SEMA3E: variants seen among roughly 807,000 people sequenced by gnomAD.
SEMA3E encodes semaphorin 3E.
SEMA3E carries 49 observed loss-of-function variants against 93.6 expected under a neutral mutation model. The observed-to-expected ratio is 0.52, with a 90% CI of 0.42 to 0.66. SEMA3E has a LOEUF of 0.66. Among genes scored for constraint, SEMA3E ranks in the 30% least tolerant of loss-of-function variants. The probability of loss-of-function intolerance (pLI) is 0.00; values close to 1 mark genes in which losing one functional copy is unlikely to be tolerated. For synonymous variants in SEMA3E, 363 were observed against 330.7 expected, an observed-to-expected ratio of 1.10 and a Z score of -1.06; for missense variants, 906 against 964.8, an observed-to-expected ratio of 0.94 and a Z score of 0.81.
At chr7:83,530,639 G>A (rs986153062) in intron 1 of SEMA3E, among the ~76,000 whole-genome samples, 2 of 152,174 alleles carry the variant, frequency 1.3e-5, no homozygotes, top group Non-Finnish European at 2.9e-5. Context: ...CACTTTGGGA[G>A]GCTGAGGCGG....
intron 1 of SEMA3E, among the ~76,000 whole-genome samples, chr7:83,539,849 T>C (rs1166956613): frequency 1.8e-5 from 1 of 56,688 alleles, no homozygotes; most frequent in African/African-American, 4.8e-5. Context: ...TTTTGTTTTG[T>C]TGTTTCTGTG....
At chr7:83,501,580 G>C (rs1310029181) in intron 1 of SEMA3E, among the ~76,000 whole-genome samples, 1 of 152,146 alleles carries the variant, frequency 6.6e-6, no homozygotes, top group African/African-American at 2.4e-5. Flanking sequence ...AGCCTCCCAA[G>C]TAGCTGTGAT....
intron 5 of SEMA3E, among the ~76,000 whole-genome samples, chr7:83,416,409 A>G (rs992338000): frequency 5.9e-5 from 9 of 152,080 alleles, no homozygotes; most frequent in Non-Finnish European, 1.2e-4. Context: ...TAGAAATTTA[A>G]CTTTTAAATT....
At chr7:83,578,147 TA>T (rs35666333) in intron 1 of SEMA3E, among the ~76,000 whole-genome samples, 2 of 150,518 alleles carry the variant, frequency 1.3e-5, no homozygotes, top group Admixed American at 1.3e-4. Flanking sequence ...GTTTTCTCAT[TA>T]AAAAAAAACA....
At chr7:83,408,800 C>T (rs748635269) in intron 5 of SEMA3E, among the ~76,000 whole-genome samples, 2 of 152,104 alleles carry the variant, frequency 1.3e-5, no homozygotes, top group South Asian at 2.1e-4. Flanking sequence ...AATAGTAAGA[C>T]CTATATGAGT....
At chr7:83,527,467 C>A (rs1791185033) in intron 1 of SEMA3E, among the ~76,000 whole-genome samples, 1 of 152,132 alleles carries the variant, frequency 6.6e-6, no homozygotes, top group Non-Finnish European at 1.5e-5. Flanking sequence ...TTAAACCCTG[C>A]TCCTATGGAG....
intron 1 of SEMA3E, among the ~76,000 whole-genome samples, chr7:83,518,790 G>T (rs1790985864): frequency 6.6e-6 from 1 of 151,976 alleles, no homozygotes; most frequent in African/African-American, 2.4e-5. Flanking sequence ...CTTCCTCTCA[G>T]GAAAGCTCCC....
intron 12 of SEMA3E, 71 bp from the exon 13 acceptor site, chr7:83,394,409 C>A: frequency 7.8e-7 from 1 of 1,275,320 alleles, no homozygotes; most frequent in Admixed American, 1.8e-5. Flanking sequence ...TGGTTGTAAA[C>A]CCCTGAAATT....
chr7:83,386,389 G>C (rs1055605460), intron 15 of SEMA3E, among the ~76,000 whole-genome samples: 2 of 152,056 alleles, frequency 1.3e-5, no homozygotes, highest in Non-Finnish European at 2.9e-5. Flanking sequence ...TACCATAATA[G>C]AAAGAGTCAG....
intron 1 of SEMA3E, among the ~76,000 whole-genome samples, chr7:83,523,498 AC>A (rs1219257037): frequency 6.6e-6 from 1 of 152,080 alleles, no homozygotes; most frequent in African/African-American, 2.4e-5. Flanking sequence ...AGGTAATCAA[AC>A]AGCCCTATCC....
intron 5 of SEMA3E, among the ~76,000 whole-genome samples, chr7:83,412,927 G>A (rs1788470611): frequency 6.6e-6 from 1 of 151,986 alleles, no homozygotes; most frequent in Admixed American, 6.6e-5. Flanking sequence ...GATTAAAACA[G>A]GAACTCTATT....
chr7:83,368,235 GTGTA>G (rs1794703824), intron 16 of SEMA3E, among the ~76,000 whole-genome samples, 197 bp from the exon 17 acceptor site: 1 of 150,348 alleles, frequency 6.7e-6, no homozygotes, highest in East Asian at 2.0e-4. Flanking sequence ...GTGTGTGTGT[GTGTA>G]TTCTGAAGAT....
chr7:83,399,963 A>G, intron 11 of SEMA3E, 65 bp downstream of exon 11: 1 of 1,233,512 alleles, frequency 8.1e-7, no homozygotes, highest in Non-Finnish European at 1.2e-6. Context: ...TTTTAGAAAT[A>G]TTATTAAAAT....
intron 4 of SEMA3E, among the ~76,000 whole-genome samples, chr7:83,426,046 T>C (rs1190253714): frequency 6.6e-6 from 1 of 152,102 alleles, no homozygotes; most frequent in Non-Finnish European, 1.5e-5. Context: ...CCAGTCAGAA[T>C]GGCTATTATT....
intron 4 of SEMA3E, among the ~76,000 whole-genome samples, chr7:83,427,495 A>T (rs1788796113): frequency 6.6e-6 from 1 of 152,170 alleles, no homozygotes; most frequent in African/African-American, 2.4e-5. Context: ...AGCAGAAAAA[A>T]GGAAGAAAAT....
chr7:83,646,214 T>C (rs767740001), intron 1 of SEMA3E, among the ~76,000 whole-genome samples: 8 of 152,114 alleles, frequency 5.3e-5, no homozygotes, highest in Non-Finnish European at 1.0e-4. Flanking sequence ...TGAACACTTG[T>C]CGTTACTGAC....
intron 1 of SEMA3E, among the ~76,000 whole-genome samples, chr7:83,497,131 A>G (rs1289172275): frequency 1.3e-5 from 2 of 152,176 alleles, no homozygotes; most frequent in East Asian, 3.8e-4. Context: ...CTGAGGATTT[A>G]GTCATTTCCT....
intron 14 of SEMA3E, 70 bp from the exon 15 acceptor site, chr7:83,387,120 C>T: frequency 8.0e-7 from 1 of 1,245,072 alleles, no homozygotes; most frequent in Non-Finnish European, 1.2e-6. Context: ...CAGCCAATTG[C>T]ATTTCATATA....
chr7:83,616,639 C>T, intron 1 of SEMA3E: 2 of 426,874 alleles, frequency 4.7e-6, no homozygotes, highest in Non-Finnish European at 9.3e-6. Context: ...CAGTTTCCTC[C>T]TCCATGTCTT....
Sources: gnomAD v4.1 joint callset for allele counts (sites outside exome capture counted in the v4.1 genomes callset) on GRCh38, gnomAD v4.1.1 for gene constraint, MANE v1.5 for transcripts, NCBI Gene and HGNC (gene_info 2026-07-23, HGNC 2026-07-21) for gene names.